Variants in UPRT observed in about 807,000 individuals in gnomAD.
The protein encoded by UPRT is uracil phosphoribosyltransferase homolog.
Under a neutral mutation model 22.6 loss-of-function variants are expected in UPRT, and 5 were observed. That is an observed-to-expected ratio of 0.22 (90% CI 0.12 to 0.47). The LOEUF is 0.47. Ranked by LOEUF, UPRT falls within the 20% of genes least tolerant of loss-of-function variation. The pLI, the probability that UPRT is intolerant of heterozygous loss-of-function variation, is 0.99. For missense variants in UPRT, 181 were observed against 239.9 expected (o/e 0.75, Z 1.62); for synonymous variants, 77 against 87.7 (o/e 0.88, Z 0.68).
intron 4 of UPRT, among the ~76,000 whole-genome samples, chrX:75,228,336 C>T (rs1345866084): frequency 2.7e-5 from 3 of 111,564 alleles, no homozygotes; most frequent in African/African-American, 9.8e-5. Flanking sequence ...TAGGACAATT[C>T]CTAGGAAAGG....
At chrX:75,213,807 G>A (rs1458634840) in intron 4 of UPRT, among the ~76,000 whole-genome samples, 2 of 111,669 alleles carry the variant, frequency 1.8e-5, no homozygotes, top group African/African-American at 3.3e-5. Context: ...TGCACCTAAC[G>A]ATAGCATCAA....
At chrX:75,251,642 G>A (rs2082530267) in intron 4 of UPRT, among the ~76,000 whole-genome samples, 1 of 111,543 alleles carries the variant, frequency 9.0e-6, no homozygotes, top group South Asian at 3.8e-4. Flanking sequence ...ACTGCCCAAG[G>A]TAATTTATAG....
chrX:75,278,713 T>C (rs1206051350), intron 1 of UPRT, among the ~76,000 whole-genome samples: 2 of 112,130 alleles, frequency 1.8e-5, no homozygotes, highest in East Asian at 5.6e-4. Context: ...ATGCTTCCTG[T>C]GTATTTGTCC....
intron 4 of UPRT, among the ~76,000 whole-genome samples, chrX:75,248,439 A>G (rs1602472476): frequency 8.9e-6 from 1 of 112,375 alleles, no homozygotes; most frequent in Non-Finnish European, 1.9e-5. Flanking sequence ...TGATGCAATC[A>G]ACGGGAAGAA....
chrX:75,273,898 AG>A (rs979727231), upstream of UPRT, among the ~76,000 whole-genome samples: 2 of 111,530 alleles, frequency 1.8e-5, no homozygotes, highest in African/African-American at 6.5e-5. Context: ...CAGAAGCCCC[AG>A]GGGCCCCCGG....
chrX:75,289,475 G>A (rs1202204879), intron 1 of UPRT, among the ~76,000 whole-genome samples: 1 of 109,733 alleles, frequency 9.1e-6, no homozygotes, highest in Non-Finnish European at 1.9e-5. Flanking sequence ...AATTCGTATG[G>A]TGCCCCAAAA....
chrX:75,302,503 G>A (rs2082747740), intron 6 of UPRT, among the ~76,000 whole-genome samples: 1 of 110,774 alleles, frequency 9.0e-6, no homozygotes, highest in Admixed American at 9.6e-5. Context: ...CTTAAGCTTG[G>A]TGATAACATT....
Position 75,198,589 on chromosome X carries a change from TAAA to T in UPRT, c.-447+30713_-447+30715del, listed in dbSNP as rs1403148448. Reference sequence around the variant, plus strand: ...TGTACACATTTAAAATTTTTCATAATAAAAAGCTTTACAATTTTATTAGAACTG... The same window carrying T: ...TGTACACATTTAAAATTTTTCATAATAAGCTTTACAATTTTATTAGAACTG... On this transcript the variant is annotated intron_variant, in intron 4 of 13. Transcript: ENST00000652605. Among the ~76,000 whole-genome samples the T allele has an allele frequency of 1.6e-3, 174 of 112,073 alleles. 2 individuals are homozygous for T. Among genetic ancestry groups the T allele is most frequent in the African/African-American group, 5.4e-3 (167 of 30,903 alleles).
At chrX:75,265,513 T>C (rs2082585265) in intron 4 of UPRT, among the ~76,000 whole-genome samples, 1 of 112,472 alleles carries the variant, frequency 8.9e-6, no homozygotes, top group Admixed American at 9.5e-5. Flanking sequence ...GTTCTTGTGC[T>C]GTGGTTTTCA....
chrX:75,186,403 C>A (rs5937977), intron 4 of UPRT, among the ~76,000 whole-genome samples: 2 of 110,268 alleles, frequency 1.8e-5, no homozygotes, highest in Admixed American at 9.7e-5. Context: ...GTTATAATTT[C>A]TGTTCTTTTA....
At chrX:75,242,320 C>T (rs2082490930) in intron 4 of UPRT, among the ~76,000 whole-genome samples, 1 of 110,789 alleles carries the variant, frequency 9.0e-6, no homozygotes, top group Non-Finnish European at 1.9e-5. Context: ...TTAAGGGATT[C>T]TGGGAGCTTA....
chrX:75,270,249 G>T (rs1224871968), upstream of UPRT, among the ~76,000 whole-genome samples: 2 of 111,557 alleles, frequency 1.8e-5, no homozygotes, highest in African/African-American at 6.5e-5. Context: ...AAAAAGTCAG[G>T]AAACAACGGA....
intron 4 of UPRT, among the ~76,000 whole-genome samples, chrX:75,232,452 C>A (rs1339037761): frequency 8.9e-6 from 1 of 112,846 alleles, no homozygotes; most frequent in Non-Finnish European, 1.9e-5. Flanking sequence ...CTCAAGGAGG[C>A]CTCCCTGCCT....
chrX:75,241,680 C>T (rs1302185182), intron 4 of UPRT, among the ~76,000 whole-genome samples: 1 of 111,471 alleles, frequency 9.0e-6, no homozygotes, highest in Non-Finnish European at 1.9e-5. Context: ...GAATAAATGC[C>T]CATCAACCAA....
intron 1 of UPRT, among the ~76,000 whole-genome samples, chrX:75,159,932 A>G (rs2082194178): frequency 1.8e-5 from 2 of 109,227 alleles, no homozygotes; most frequent in South Asian, 8.1e-4. Flanking sequence ...GCATGCCACC[A>G]CGCCCGGCTA....
chrX:75,173,591 G>C (rs1472655601), intron 4 of UPRT, among the ~76,000 whole-genome samples: 1 of 112,736 alleles, frequency 8.9e-6, no homozygotes, highest in African/African-American at 3.2e-5. Flanking sequence ...CTCGCACCGT[G>C]CGCTCACACT....
intron 1 of UPRT, among the ~76,000 whole-genome samples, chrX:75,280,239 C>T (rs1487768693): frequency 9.0e-6 from 1 of 110,835 alleles, no homozygotes; most frequent in African/African-American, 3.3e-5. Context: ...TCTGTTTACT[C>T]TGCTGACTGT....
chrX:75,186,117 G>T (rs1307946347), intron 4 of UPRT, among the ~76,000 whole-genome samples: 4 of 110,806 alleles, frequency 3.6e-5, no homozygotes. Context: ...TGATGTTAGG[G>T]TGTCAATTTT....
chrX:75,256,723 C>G (rs1025021457), intron 4 of UPRT, among the ~76,000 whole-genome samples: 19 of 111,680 alleles, frequency 1.7e-4, no homozygotes, highest in Non-Finnish European at 3.6e-4. Context: ...AAAGATCATT[C>G]AAGGCTACTA....
Sources: gnomAD v4.1 joint callset for allele counts (sites outside exome capture counted in the v4.1 genomes callset) on GRCh38, gnomAD v4.1.1 for gene constraint, MANE v1.5 for transcripts, NCBI Gene and HGNC (gene_info 2026-07-23, HGNC 2026-07-21) for gene names.